Variants in HDDC2 observed in about 807,000 individuals in gnomAD.
HDDC2 encodes HD domain containing 2.
HDDC2 carries 25 observed loss-of-function variants against 25.5 expected under a neutral mutation model. The ratio of observed to expected loss-of-function variants is 0.98; its 90% confidence interval spans 0.72 to 1.37. The LOEUF is 1.37. Among genes scored for constraint, HDDC2 ranks in the 40% most tolerant of loss-of-function variants. The pLI, the probability that HDDC2 is intolerant of heterozygous loss-of-function variation, is 0.00. For missense variants in HDDC2, 264 were observed against 253.1 expected (o/e 1.04, Z -0.29); for synonymous variants, 106 against 89.7 (o/e 1.18, Z -1.03).
intron 1 of HDDC2, 104 bp from the exon 2 acceptor site, chr6:125,300,763 T>A: frequency 8.6e-7 from 1 of 1,160,098 alleles, no homozygotes; most frequent in Non-Finnish European, 1.2e-6. Flanking sequence ...AGCCGGGTCA[T>A]AATTTCAGAA....
chr6:125,293,188 C>T (rs981697078), intron 3 of HDDC2: 6 of 488,126 alleles, frequency 1.2e-5, no homozygotes, highest in African/African-American at 1.2e-4. Flanking sequence ...GGTCATGAGA[C>T]AATTACAGAA....
At chr6:125,278,837 G>A (rs994806103) in intron 4 of HDDC2, 9 of 152,048 alleles carry the variant, frequency 5.9e-5, no homozygotes, top group Admixed American at 4.6e-4. Context: ...GAAATATTAA[G>A]GATAAAGAAG....
chr6:125,280,948 A>C, intron 4 of HDDC2, among the ~76,000 whole-genome samples: 1 of 152,224 alleles, frequency 6.6e-6, no homozygotes, highest in East Asian at 1.9e-4. Flanking sequence ...CATCTCATAC[A>C]GGAGAGCTCT....
At chr6:125,298,650 TTA>T in intron 3 of HDDC2, 62 bp downstream of exon 3, 1 of 1,203,920 alleles carries the variant, frequency 8.3e-7, no homozygotes. Flanking sequence ...TCTCATAAAC[TTA>T]GCTTTGCTTC....
Position 125,277,201 on chromosome 6 carries a change from T to C in HDDC2, c.418A>G (p.Lys140Glu). ...TQSSAEAKFV[K>E]QLDQCEMILQ... ...ATCATTTCACATTGGTCTAGCTGCT[T>C]CACAAATTTGGCTTCTGCACTAGAT... is the stretch of plus-strand genomic sequence containing the variant. Residue 140 changes from lysine to glutamate, a missense_variant, in exon 5 of 6, where the codon AAG becomes GAG. Lys to Glu is a moderately conservative substitution (Grantham distance 56). Coordinates refer to ENST00000398153, the MANE Select transcript of HDDC2 (RefSeq NM_016063.3). 6.2e-7 allele frequency: 1 copy of C among 1,614,120 alleles called. No individual in the cohort carries two copies.
chr6:125,288,573 C>A (rs111773730), intron 4 of HDDC2, among the ~76,000 whole-genome samples: 29,897 of 151,922 alleles, frequency 0.2, 3,329 homozygotes, highest in African/African-American at 0.31. Context: ...CATTTCGCAA[C>A]CTACTCATCT....
intron 4 of HDDC2, among the ~76,000 whole-genome samples, chr6:125,290,551 CA>C (rs1336212026): frequency 7.2e-5 from 11 of 152,106 alleles, no homozygotes; most frequent in Admixed American, 7.2e-4. Flanking sequence ...AGGGTCTCGA[CA>C]GAAGTGATCA....
At chr6:125,278,439 G>C (rs934835028) in intron 4 of HDDC2, 2 of 151,856 alleles carry the variant, frequency 1.3e-5, no homozygotes, top group Non-Finnish European at 2.9e-5. Flanking sequence ...AAGACCATTA[G>C]GAAATACAAT....
chr6:125,299,693 T>C (rs1798765796), intron 2 of HDDC2, among the ~76,000 whole-genome samples: 1 of 152,198 alleles, frequency 6.6e-6, no homozygotes, highest in African/African-American at 2.4e-5. Flanking sequence ...CCTTGTACCA[T>C]TTGCCAAAAA....
chr6:125,301,619 C>T (rs1397803841), intron 1 of HDDC2, among the ~76,000 whole-genome samples: 1 of 152,142 alleles, frequency 6.6e-6, no homozygotes, highest in Non-Finnish European at 1.5e-5. Context: ...AGGCTCTAGG[C>T]TCAGACTCCG....
At chr6:125,282,672 C>T (rs757452425) in intron 4 of HDDC2, among the ~76,000 whole-genome samples, 1 of 152,212 alleles carries the variant, frequency 6.6e-6, no homozygotes, top group Non-Finnish European at 1.5e-5. Context: ...ACAATACTAA[C>T]CTTAAATGTA....
rs77322161 is a variant in HDDC2, at chr6:125,286,510, C to T, written c.378+6331G>A. 3.0e-4 allele frequency among the ~76,000 whole-genome samples: 45 copies of T among 152,252 alleles called. 1 individual carries two copies. Among genetic ancestry groups the T allele is most frequent in the East Asian group, 1.9e-3 (10 of 5,180 alleles). On this transcript the variant is annotated intron_variant, in intron 4 of 5. Transcript: ENST00000398153. ...TAATGCTAGCATCTTCTCTGTACTA[C>T]GTAGCCAGGATTCCTGTTGTGGAAA...
intron 4 of HDDC2, among the ~76,000 whole-genome samples, chr6:125,287,083 A>G (rs1798549185): frequency 6.6e-6 from 1 of 152,198 alleles, no homozygotes; most frequent in Non-Finnish European, 1.5e-5. Flanking sequence ...CCTGCACCAC[A>G]AGTGTGCAAC....
chr6:125,300,337 T>G (rs1342991209), intron 2 of HDDC2: 1 of 583,684 alleles, frequency 1.7e-6, no homozygotes, highest in Non-Finnish European at 2.9e-6. Context: ...CTCTATCACT[T>G]GCCAACAGAA....
intron 4 of HDDC2, chr6:125,277,681 T>C (rs1798391460): frequency 6.5e-6 from 1 of 154,476 alleles, no homozygotes; most frequent in Non-Finnish European, 1.4e-5. Flanking sequence ...TCTAAGTGTA[T>C]TTCTAGCTTT....
chr6:125,301,481 AG>A (rs1562453283), intron 1 of HDDC2, among the ~76,000 whole-genome samples: 1 of 101,540 alleles, frequency 9.8e-6, no homozygotes, highest in African/African-American at 5.9e-5. Flanking sequence ...TGGGGTCGTG[AG>A]CACACACACA....
chr6:125,298,650 T>G (rs759571686), intron 3 of HDDC2, 64 bp downstream of exon 3: 6 of 1,203,920 alleles, frequency 5.0e-6, no homozygotes, highest in African/African-American at 3.0e-5. Context: ...TCTCATAAAC[T>G]TAGCTTTGCT....
At chr6:125,301,482 G>GCACACACACGCGCA (rs1412473241) in intron 1 of HDDC2, among the ~76,000 whole-genome samples, 1,484 of 120,394 alleles carry the variant, frequency 0.012, 37 homozygotes, top group African/African-American at 0.044. Context: ...GGGGTCGTGA[G>GCACACACACGCGCA]CACACACACA....
intron 3 of HDDC2, among the ~76,000 whole-genome samples, chr6:125,298,255 AT>A (rs769475435): frequency 1.2e-4 from 18 of 151,936 alleles, no homozygotes; most frequent in Non-Finnish European, 2.6e-4. Context: ...ATTAACAAAA[AT>A]AAAATAAAAT....
Sources: gnomAD v4.1 joint callset for allele counts (sites outside exome capture counted in the v4.1 genomes callset) on GRCh38, gnomAD v4.1.1 for gene constraint, MANE v1.5 for transcripts, NCBI Gene and HGNC (gene_info 2026-07-23, HGNC 2026-07-21) for gene names.